Variants in HDLBP observed in about 807,000 individuals in gnomAD.
HDLBP encodes the protein high density lipoprotein binding protein.
A neutral mutation model predicts 137.3 loss-of-function variants in HDLBP; 30 were observed. That is an observed-to-expected ratio of 0.22 (90% confidence interval 0.16 to 0.30). The LOEUF is 0.30. HDLBP is among the 10% of genes least tolerant of loss of function. The pLI is 1.00. For missense variants in HDLBP, 1,119 were observed against 1,667.3 expected, an observed-to-expected ratio of 0.67 and a Z score of 5.73; for synonymous variants, 606 against 596.0, an observed-to-expected ratio of 1.02 and a Z score of -0.24.
intron 27 of HDLBP, 38 bp downstream of exon 27, chr2:241,229,795 C>A: frequency 1.3e-6 from 2 of 1,561,864 alleles, no homozygotes; most frequent in South Asian, 1.2e-5. Flanking sequence ...CCCGCCCACC[C>A]TCCCTGGGAC....
chr2:241,290,799 T>C (rs2149652377), intron 1 of HDLBP, among the ~76,000 whole-genome samples: 1 of 152,334 alleles, frequency 6.6e-6, no homozygotes, highest in Non-Finnish European at 1.5e-5. Context: ...TATCTAACAA[T>C]GTCAGAGCGG....
At position 241,239,718 on chromosome 2, in the gene HDLBP, C is replaced by T. The variant is rs2071011751; in HGVS notation, c.2494G>A (p.Gly832Arg). ...GAGCGTGGGAAGCTGACCATCACCC[C>T]GCCATACTCTTCAGCAATCTCCCGC... ...VLREIAEEYG[G>R]VMVSFPRSGT... Residue 832 changes from glycine (G) to arginine (R), a missense_variant, in exon 19 of 28, where the codon GGG becomes AGG. This residue lies in a region of HDLBP where 618 missense variants were observed against 816.7 expected (regional missense o/e 0.76). Transcript: ENST00000310931. This position sits in a 1 kb window ranked among gnomAD's most constrained non-coding sequence, Gnocchi z 4.6. 3.1e-6 allele frequency: 5 copies of T among 1,614,216 alleles called. No homozygotes were observed. Among genetic ancestry groups the T allele is most frequent in the East Asian group, 2.2e-5 (1 of 44,890 alleles).
chr2:241,312,815 T>C (rs912458191), intron 1 of HDLBP, among the ~76,000 whole-genome samples: 7 of 152,238 alleles, frequency 4.6e-5, no homozygotes, highest in Non-Finnish European at 8.8e-5. Flanking sequence ...GGAGAATCCA[T>C]ATGACCCACG....
intron 4 of HDLBP, among the ~76,000 whole-genome samples, 157 bp downstream of exon 4, chr2:241,264,291 G>A (rs866596258): frequency 1.3e-5 from 2 of 151,434 alleles, no homozygotes; most frequent in East Asian, 1.9e-4. Context: ...GAACCCGGGA[G>A]GCGGAGCGTG....
In HDLBP at chr2:241,247,077, T is replaced by C. The variant is rs2071741308; in HGVS notation, c.1797A>G (p.Lys599=). 2 of 1,612,726 alleles carry C rather than the reference T, an allele frequency of 1.2e-6. No homozygotes were observed. The highest frequency in any genetic ancestry group is 1.7e-6 in the Non-Finnish European group (2 of 1,178,810). ...TCACCTTTTTAATGTTTGCGCCTCC[T>C]TTCCCAATGATATTCTTGTGAAACT... is the stretch of plus-strand genomic sequence containing the variant. The part of the protein sequence containing the change: ...FKQFHKNIIG[K]GGANIKKIRE... Residue 599 remains lysine, a synonymous_variant, in exon 15 of 28, where the codon AAA becomes AAG. Coordinates refer to ENST00000310931, the MANE Select transcript of HDLBP (RefSeq NM_005336.6).
In HDLBP at chr2:241,228,158, A is replaced by C. The variant is rs2069309941; in HGVS notation, c.*1443T>G. ...ACTGTCCCCAGGGAAGGGCTGTGAG[A>C]TGGATGGGCGTGAGTCAGCTTTTCC... is the stretch of plus-strand genomic sequence containing the variant. On this transcript the variant is annotated 3_prime_UTR_variant, in exon 28 of 28. Coordinates refer to ENST00000310931, the MANE Select transcript of HDLBP (RefSeq NM_005336.6). 1 of 152,314 alleles carries C rather than the reference A, an allele frequency of 6.6e-6. No individual in the cohort carries two copies. Among genetic ancestry groups the C allele is most frequent in the South Asian group, 2.1e-4 (1 of 4,834 alleles). 9.4% of individuals were successfully genotyped at this position (152,314 alleles called of 1,614,324 possible).
chr2:241,302,611 G>A (rs1417409315), intron 1 of HDLBP: 1 of 152,178 alleles, frequency 6.6e-6, no homozygotes, highest in Non-Finnish European at 1.5e-5. Context: ...TTTTACACTT[G>A]TACTGTTGCT....
rs1186534072 is a variant in HDLBP, at chr2:241,272,351, C to CGTCA, written c.-102-3814_-102-3811dup. 1 of 984,180 alleles carries CGTCA rather than the reference C, an allele frequency of 1.0e-6. No individual in the cohort carries two copies. Among genetic ancestry groups the CGTCA allele is most frequent in the Non-Finnish European group, 1.2e-6 (1 of 829,306 alleles). The allele number at this position is 984,180 out of a possible 1,614,324, so 61.0% of individuals were successfully genotyped here. ...GGGAGGGGAGGGCCGGCCCCGCCAA[C>CGTCA]GTCAGCGACCTGGGCTCAGGTCGGC... On this transcript the variant is annotated intron_variant, in intron 1 of 27. Transcript: ENST00000310931. The surrounding 1 kb of genome is among the most constrained non-coding windows in gnomAD (Gnocchi z 5.6).
At position 241,252,905 on chromosome 2, in the gene HDLBP, C is replaced by A. The variant is rs369372291; in HGVS notation, c.1372+52G>T. 1.1e-4 allele frequency: 139 copies of A among 1,272,014 alleles called. No individual in the cohort carries two copies. The African/African-American group carries it at 1.5e-3, about 14-fold the overall frequency. 78.8% of individuals were successfully genotyped at this position (1,272,014 alleles called of 1,614,324 possible). On this transcript the variant is annotated intron_variant, in intron 11 of 27. Coordinates refer to ENST00000310931, the MANE Select transcript of HDLBP (RefSeq NM_005336.6). Reference sequence around the variant, plus strand: ...CACAGTTCTCACAGCTGACACCCCCCACAAGGGTCTCAGGGCACACTGGCC... The same window carrying A: ...CACAGTTCTCACAGCTGACACCCCCAACAAGGGTCTCAGGGCACACTGGCC...
intron 1 of HDLBP, chr2:241,273,057 C>T (rs2074232467): frequency 1.0e-6 from 1 of 985,452 alleles, no homozygotes; most frequent in Non-Finnish European, 1.2e-6. Context: ...AGAGGGAGCG[C>T]GCCCCGCAAG....
chr2:241,270,063 C>T (rs1157718662), intron 1 of HDLBP, among the ~76,000 whole-genome samples: 1 of 152,218 alleles, frequency 6.6e-6, no homozygotes, highest in Non-Finnish European at 1.5e-5. Context: ...CAGTTCCGTC[C>T]ATGTCAGCCC....
At chr2:241,281,994 A>G (rs1262975046) in intron 1 of HDLBP, among the ~76,000 whole-genome samples, 3 of 152,232 alleles carry the variant, frequency 2.0e-5, no homozygotes, top group Admixed American at 6.5e-5. Context: ...TAAGGAAAAA[A>G]TATTTTATTA....
Position 241,236,519 on chromosome 2 carries a change from T to C in HDLBP, c.2904+96A>G, listed in dbSNP as rs946715601. Reference sequence around the variant, plus strand: ...GGGCTACCTCCACTGCCACTGCCGCTTGGGCAACCGTCCATCCCATCCAGG... The same window carrying C: ...GGGCTACCTCCACTGCCACTGCCGCCTGGGCAACCGTCCATCCCATCCAGG... On this transcript the variant is annotated intron_variant, in intron 21 of 27. Coordinates refer to ENST00000310931, the MANE Select transcript of HDLBP (RefSeq NM_005336.6). 3 of 1,283,164 alleles carry C rather than the reference T, an allele frequency of 2.3e-6. No homozygotes were observed. The African/African-American group carries it at 4.4e-5, about 19-fold the overall frequency. 79.5% of individuals were successfully genotyped at this position (1,283,164 alleles called of 1,614,324 possible). A position where few individuals can be genotyped will look rare whatever the true frequency, so the allele number is the denominator to read the frequency against.
chr2:241,237,733 G>A (rs1263053103), intron 20 of HDLBP, among the ~76,000 whole-genome samples: 2 of 152,196 alleles, frequency 1.3e-5, no homozygotes, highest in Non-Finnish European at 2.9e-5. Context: ...AAAAACGTGT[G>A]TAAAAGGGGA....
chr2:241,249,790 C>G (rs369475027), intron 12 of HDLBP, 51 bp downstream of exon 12: 14 of 1,535,960 alleles, frequency 9.1e-6, no homozygotes, highest in Non-Finnish European at 1.2e-5. Flanking sequence ...TAGAGGGGGC[C>G]AAGAGACGCA....
At chr2:241,302,195 C>T (rs1164435573) in intron 1 of HDLBP, among the ~76,000 whole-genome samples, 4 of 152,076 alleles carry the variant, frequency 2.6e-5, no homozygotes, top group Admixed American at 2.0e-4. Context: ...GAGTTCGAGA[C>T]TGCAGTGAGC....
chr2:241,240,265 A>C lies in HDLBP; in HGVS notation c.2170-143T>G. 2.7e-6 allele frequency: 2 copies of C among 752,536 alleles called. No individual in the cohort carries two copies. The highest frequency in any genetic ancestry group is 4.7e-6 in the Non-Finnish European group (2 of 427,358). The allele number at this position is 752,536 out of a possible 1,614,324, so 46.6% of individuals were successfully genotyped here. On this transcript the variant is annotated intron_variant, in intron 17 of 27. Coordinates refer to ENST00000310931, the MANE Select transcript of HDLBP (RefSeq NM_005336.6). This position sits in a 1 kb window ranked among gnomAD's most constrained non-coding sequence, Gnocchi z 5.5. The stretch of plus-strand genomic sequence containing the variant: ...CTGATGTTGCACCAATACCCCCAAA[A>C]TGGGGCTAGCACACCTCACTGAATA...
intron 24 of HDLBP, chr2:241,231,392 A>AC (rs2069731199): frequency 6.5e-6 from 1 of 152,868 alleles, no homozygotes; most frequent in African/African-American, 2.4e-5. Context: ...TCAAAAAAAA[A>AC]AAAACAAAAA....
chr2:241,259,899 G>C (rs2073019813), intron 5 of HDLBP, among the ~76,000 whole-genome samples: 1 of 152,176 alleles, frequency 6.6e-6, no homozygotes, highest in Non-Finnish European at 1.5e-5. Flanking sequence ...CTACTCAAAA[G>C]GTTCAGAGTT....
Sources: gnomAD v4.1 joint callset for allele counts (sites outside exome capture counted in the v4.1 genomes callset) on GRCh38, gnomAD v4.1.1 for gene constraint, gnomAD v4.1.1 regional missense constraint, Gnocchi (gnomAD v3.1) non-coding constraint, MANE v1.5 for transcripts, NCBI Gene and HGNC (gene_info 2026-07-23, HGNC 2026-07-21) for gene names.